CADPS2: variants seen among roughly 807,000 people sequenced by gnomAD.
CADPS2 encodes the protein calcium dependent secretion activator 2.
A neutral mutation model predicts 172.5 loss-of-function variants in CADPS2; 93 were observed. That is an observed-to-expected ratio of 0.54 (90% CI 0.46 to 0.64). CADPS2 has a LOEUF of 0.64. CADPS2 is among the 30% of genes least tolerant of loss of function. The pLI is 0.00. For synonymous variants in CADPS2, 546 were observed against 555.2 expected, an observed-to-expected ratio of 0.98 and a Z score of 0.23; for missense variants, 1,420 against 1,565.9, an observed-to-expected ratio of 0.91 and a Z score of 1.57.
At position 122,491,480 on chromosome 7, in the gene CADPS2, CG is replaced by C. The variant is rs774889955; in HGVS notation, c.1543-61del. 7.3e-4 allele frequency: 615 copies of C among 837,496 alleles called. 1 individual carries two copies. The highest frequency in any genetic ancestry group is 2.2e-3 in the East Asian group (78 of 34,900). The allele number at this position is 837,496 out of a possible 1,614,324, so 51.9% of individuals were successfully genotyped here. The stretch of plus-strand genomic sequence containing the variant: ...CATTAAATTTACCAAATTTAACTTT[CG>C]TTTTTTTATCAAAATACTCTTTTCC... On this transcript the variant is annotated intron_variant, in intron 9 of 29. Transcript: ENST00000449022.
intron 8 of CADPS2, among the ~76,000 whole-genome samples, chr7:122,545,444 T>G (rs1259701635): frequency 1.3e-5 from 2 of 152,148 alleles, no homozygotes; most frequent in South Asian, 4.1e-4. Flanking sequence ...AGTTAGGAGT[T>G]CGTGTTGGGT....
At chr7:122,673,475 G>A (rs2082077436) in intron 2 of CADPS2, among the ~76,000 whole-genome samples, 1 of 152,142 alleles carries the variant, frequency 6.6e-6, no homozygotes, top group Non-Finnish European at 1.5e-5. Context: ...TAGATACAGA[G>A]TGCTGAATGG....
intron 27 of CADPS2, 62 bp downstream of exon 27, chr7:122,360,726 G>A: frequency 6.9e-7 from 1 of 1,446,750 alleles, no homozygotes; most frequent in Non-Finnish European, 9.4e-7. Context: ...AACCCATGAT[G>A]AACTGCAATT....
intron 7 of CADPS2, among the ~76,000 whole-genome samples, chr7:122,573,776 C>T (rs1328659964): frequency 6.6e-6 from 1 of 152,080 alleles, no homozygotes; most frequent in Non-Finnish European, 1.5e-5. Flanking sequence ...AAGATTCAAA[C>T]ATTTTATAAA....
Position 122,554,618 on chromosome 7 carries a change from G to A in CADPS2, c.1407C>T (p.Ser469=), listed in dbSNP as rs770836906. 2 of 1,611,518 alleles carry A rather than the reference G, an allele frequency of 1.2e-6. No homozygotes were observed. The highest frequency in any genetic ancestry group is 2.2e-5 in the South Asian group (2 of 90,894). Residue 469 remains serine, a synonymous_variant, in exon 8 of 30, where the codon AGC becomes AGT. Coordinates refer to ENST00000449022, the MANE Select transcript of CADPS2 (RefSeq NM_017954.11). ...GTTTGATTTTTAAGTCAGAATCCTG[G>A]CTATTTTTTGGAACTACCATTCGGT... ...ELHRMVVPKN[S]QDSDLKIKLA...
intron 2 of CADPS2, chr7:122,702,762 T>C (rs1302734504): frequency 3.2e-6 from 5 of 1,569,302 alleles, no homozygotes; most frequent in Admixed American, 1.9e-5. Flanking sequence ...CCTCCATTTG[T>C]CTATTAAGAG....
At chr7:122,662,529 C>T (rs894282791) in intron 3 of CADPS2, among the ~76,000 whole-genome samples, 2 of 152,030 alleles carry the variant, frequency 1.3e-5, no homozygotes, top group Non-Finnish European at 2.9e-5. Context: ...GCATGCACCA[C>T]CACGCCCAGC....
At chr7:122,394,263 A>T (rs747038697) in intron 20 of CADPS2, among the ~76,000 whole-genome samples, 4 of 152,166 alleles carry the variant, frequency 2.6e-5, no homozygotes, top group Non-Finnish European at 5.9e-5. Flanking sequence ...TTGTGCTACA[A>T]GGCTGCTGGG....
intron 5 of CADPS2, among the ~76,000 whole-genome samples, chr7:122,619,571 G>A (rs1025817204): frequency 1.3e-5 from 2 of 152,162 alleles, no homozygotes; most frequent in African/African-American, 2.4e-5. Context: ...AGGTTGTGGT[G>A]AGCAGAGATA....
At chr7:122,636,396 T>C (rs1455111535) in intron 3 of CADPS2, among the ~76,000 whole-genome samples, 1 of 152,116 alleles carries the variant, frequency 6.6e-6, no homozygotes, top group Non-Finnish European at 1.5e-5. Context: ...TTGGAATTTC[T>C]TTTCTTTAAA....
intron 13 of CADPS2, among the ~76,000 whole-genome samples, chr7:122,473,615 T>A (rs544275381): frequency 6.6e-6 from 1 of 152,292 alleles, no homozygotes; most frequent in South Asian, 2.1e-4. Context: ...GAGATTAAAG[T>A]AGTGATAGAA....
rs746342848 is a variant in CADPS2 at position 122,885,981 on chromosome 7, C to T, written c.339+18G>A. 6.3e-7 allele frequency: 1 copy of T among 1,593,600 alleles called. No individual in the cohort carries two copies. ...CAGGGAGAAGTGGTGGTAGGAGGCG[C>T]CCGGTCCCGCAACTCACCTTCTGCT... On this transcript the variant is annotated intron_variant, in intron 1 of 29. Coordinates refer to ENST00000449022, the MANE Select transcript of CADPS2 (RefSeq NM_017954.11).
At chr7:122,659,165 T>C (rs1011390042) in intron 3 of CADPS2, among the ~76,000 whole-genome samples, 1 of 152,006 alleles carries the variant, frequency 6.6e-6, no homozygotes, top group Non-Finnish European at 1.5e-5. Context: ...ACGAGACAGA[T>C]GTTAGAATTA....
At chr7:122,819,470 G>A (rs945348620) in intron 1 of CADPS2, among the ~76,000 whole-genome samples, 1 of 152,068 alleles carries the variant, frequency 6.6e-6, no homozygotes, top group Non-Finnish European at 1.5e-5. Context: ...ACAATGGAAG[G>A]TAAGCCCCGT....
intron 8 of CADPS2, among the ~76,000 whole-genome samples, chr7:122,538,942 C>G (rs1380692004): frequency 6.6e-6 from 1 of 151,492 alleles, no homozygotes; most frequent in Non-Finnish European, 1.5e-5. Context: ...AAGCAGTGAC[C>G]TAAAAGAATA....
intron 28 of CADPS2, chr7:122,332,195 C>T: frequency 6.6e-6 from 1 of 152,096 alleles, no homozygotes; most frequent in East Asian, 1.9e-4. Context: ...ATCACACTCC[C>T]TATTAGGATA....
intron 8 of CADPS2, among the ~76,000 whole-genome samples, chr7:122,544,082 C>T (rs2063372894): frequency 6.6e-6 from 1 of 151,910 alleles, no homozygotes; most frequent in African/African-American, 2.4e-5. Flanking sequence ...TCCTACGTGT[C>T]CACTCAAGAG....
chr7:122,335,476 C>G (rs950474677), intron 28 of CADPS2, among the ~76,000 whole-genome samples: 1 of 152,132 alleles, frequency 6.6e-6, no homozygotes, highest in African/African-American at 2.4e-5. Flanking sequence ...GTTGGCCAGG[C>G]TGGTCTCAAA....
chr7:122,806,334 CTA>C lies in CADPS2; in HGVS notation c.340-69268_340-69267del, dbSNP rs1331620580. Among the ~76,000 whole-genome samples, 12 of 152,168 alleles carry C rather than the reference CTA, an allele frequency of 7.9e-5. No individual in the cohort carries two copies. In the East Asian group the frequency reaches 2.1e-3, roughly 27 times the overall value. On this transcript the variant is annotated intron_variant, in intron 1 of 29. Coordinates refer to ENST00000449022, the MANE Select transcript of CADPS2 (RefSeq NM_017954.11). ...GAACTGGTAATAATCATAATTTGAT[CTA>C]TGTCATTTTTTTCTACTACTGTACC... is the stretch of plus-strand genomic sequence containing the variant.
Sources: gnomAD v4.1 joint callset for allele counts (sites outside exome capture counted in the v4.1 genomes callset) on GRCh38, gnomAD v4.1.1 for gene constraint, MANE v1.5 for transcripts, NCBI Gene and HGNC (gene_info 2026-07-23, HGNC 2026-07-21) for gene names.